Variants in KIFAP3 observed in about 807,000 individuals in gnomAD.
KIFAP3 encodes the protein kinesin associated protein 3, also known as kinesin-associated protein 3.
In KIFAP3, 68 loss-of-function variants were observed where a neutral mutation model predicts 106.5. The ratio of observed to expected loss-of-function variants is 0.64; its 90% CI spans 0.53 to 0.78. The LOEUF is 0.78. KIFAP3 is among the 30% of genes least tolerant of loss of function. KIFAP3 has a pLI of 0.00. For synonymous variants in KIFAP3, 320 were observed against 311.5 expected (o/e 1.03, Z -0.29); for missense variants, 780 against 941.8 (o/e 0.83, Z 2.25).
In KIFAP3 at chr1:169,981,963, G is replaced by T; in HGVS notation, c.1798+9C>A. 1 of 1,604,648 alleles carries T rather than the reference G, an allele frequency of 6.2e-7. No individual in the cohort carries two copies. The highest frequency in any genetic ancestry group is 8.5e-7 in the Non-Finnish European group (1 of 1,174,110). On this transcript the variant is annotated intron_variant, in intron 15 of 19. Transcript: ENST00000361580. ...GACATTAACATAAAAATAAATTAAG[G>T]TTATTTACCATTTAGCAATTCAATG...
intron 16 of KIFAP3, among the ~76,000 whole-genome samples, chr1:169,976,382 G>C (rs147472458): frequency 6.6e-6 from 1 of 151,860 alleles, no homozygotes; most frequent in Non-Finnish European, 1.5e-5. Flanking sequence ...AAGAAAACTT[G>C]TTAACTTTAA....
intron 3 of KIFAP3, among the ~76,000 whole-genome samples, chr1:170,046,234 A>G (rs889896997): frequency 4.7e-5 from 7 of 148,262 alleles, no homozygotes; most frequent in Non-Finnish European, 9.0e-5. Flanking sequence ...AAAAAAGGAA[A>G]CAGAGAAAAT....
intron 19 of KIFAP3, among the ~76,000 whole-genome samples, chr1:169,944,878 A>C (rs1664346492): frequency 6.6e-6 from 1 of 152,168 alleles, no homozygotes; most frequent in Non-Finnish European, 1.5e-5. Flanking sequence ...GGCCATGGAC[A>C]GGGCCAGAAA....
Position 170,026,702 on chromosome 1 carries a change from C to T in KIFAP3, c.842-2106G>A, listed in dbSNP as rs139296416. 6.6e-5 allele frequency among the ~76,000 whole-genome samples: 10 copies of T among 152,174 alleles called. No individual in the cohort carries two copies. In the East Asian group the frequency reaches 1.5e-3, roughly 24 times the overall value. On this transcript the variant is annotated intron_variant, in intron 8 of 19. Coordinates refer to ENST00000361580, the MANE Select transcript of KIFAP3 (RefSeq NM_014970.4). Reference sequence around the variant, plus strand: ...TTGGAGCATAGGAATTTAAGTGAGGCTGGGACAGAAAAAAATGAGAGGAGT... The same window carrying T: ...TTGGAGCATAGGAATTTAAGTGAGGTTGGGACAGAAAAAAATGAGAGGAGT...
chr1:169,979,256 T>C (rs1571597262), intron 15 of KIFAP3, among the ~76,000 whole-genome samples: 1 of 152,168 alleles, frequency 6.6e-6, no homozygotes, highest in East Asian at 1.9e-4. Flanking sequence ...ATCAACTACG[T>C]GTCTTTACTT....
Position 169,971,402 on chromosome 1 carries a change from G to A in KIFAP3, c.1983+1111C>T, listed in dbSNP as rs775635858. Reference sequence around the variant, plus strand: ...TAAATATTCTGTATTCATAAGCCCTGTGATCAGTGACCTATGTGTGAAATG... The same window carrying A: ...TAAATATTCTGTATTCATAAGCCCTATGATCAGTGACCTATGTGTGAAATG... On this transcript the variant is annotated intron_variant, in intron 17 of 19. Transcript: ENST00000361580. Among the ~76,000 whole-genome samples the A allele has an allele frequency of 8.8e-4, 134 of 152,136 alleles. 1 individual carries two copies. The highest frequency in any genetic ancestry group is 3.2e-4 in the Non-Finnish European group (22 of 67,956).
chr1:169,946,166 C>G (rs566208958), intron 19 of KIFAP3, among the ~76,000 whole-genome samples: 1 of 152,140 alleles, frequency 6.6e-6, no homozygotes, highest in Admixed American at 6.5e-5. Flanking sequence ...TTTTAAGAGG[C>G]ATTTACCCTT....
At chr1:169,924,859 C>A (rs570420819) in intron 19 of KIFAP3, among the ~76,000 whole-genome samples, 3 of 152,092 alleles carry the variant, frequency 2.0e-5, no homozygotes, top group Non-Finnish European at 2.9e-5. Context: ...AAAAAGGCAA[C>A]GTTGCAGGAA....
chr1:170,006,371 G>A (rs991315086), intron 10 of KIFAP3, among the ~76,000 whole-genome samples: 3 of 152,124 alleles, frequency 2.0e-5, no homozygotes, highest in Non-Finnish European at 4.4e-5. Context: ...GCTAATGGTG[G>A]TTCAATATTA....
intron 5 of KIFAP3, among the ~76,000 whole-genome samples, chr1:170,037,003 A>G (rs974104403): frequency 6.6e-6 from 1 of 152,234 alleles, no homozygotes; most frequent in African/African-American, 2.4e-5. Flanking sequence ...GTGCAAGACC[A>G]GTAAAGCCAA....
intron 3 of KIFAP3, among the ~76,000 whole-genome samples, chr1:170,040,152 A>G (rs1669897726): frequency 1.3e-5 from 2 of 152,102 alleles, no homozygotes; most frequent in African/African-American, 4.8e-5. Context: ...CAAACAGATA[A>G]TTTACTAAGA....
At position 170,034,252 on chromosome 1, in the gene KIFAP3, T is replaced by C. The variant is rs538653533; in HGVS notation, c.742+120A>G. 22 of 876,290 alleles carry C rather than the reference T, an allele frequency of 2.5e-5. No homozygotes were observed. In the South Asian group the frequency reaches 3.4e-4, roughly 14 times the overall value. The allele number at this position is 876,290 out of a possible 1,614,324, so 54.3% of individuals were successfully genotyped here. A position where few individuals can be genotyped will look rare whatever the true frequency, so the allele number is the denominator to read the frequency against. ...TAACCTTCAATAACACACTCCTGCATTGTTTCCAAGTAATGTAATTAACAA... is the reference window on the plus strand; with the variant it reads ...TAACCTTCAATAACACACTCCTGCACTGTTTCCAAGTAATGTAATTAACAA... On this transcript the variant is annotated intron_variant, in intron 7 of 19. Transcript: ENST00000361580.
At chr1:170,081,328 C>A (rs945658301) in intron 1 of KIFAP3, among the ~76,000 whole-genome samples, 1 of 152,142 alleles carries the variant, frequency 6.6e-6, no homozygotes, top group Non-Finnish European at 1.5e-5. Context: ...GGAAATTTAA[C>A]CACAGTGAAA....
chr1:169,946,900 A>G (rs754259955), intron 19 of KIFAP3, among the ~76,000 whole-genome samples: 5 of 151,954 alleles, frequency 3.3e-5, no homozygotes, highest in Non-Finnish European at 5.9e-5. Flanking sequence ...ATGTAAGATC[A>G]AGACTCTTAT....
intron 11 of KIFAP3, among the ~76,000 whole-genome samples, chr1:169,986,969 T>C (rs1387602407): frequency 1.3e-5 from 2 of 152,026 alleles, no homozygotes; most frequent in African/African-American, 4.8e-5. Context: ...CTCGAAAACT[T>C]ACTCAACTCC....
intron 2 of KIFAP3, among the ~76,000 whole-genome samples, 193 bp downstream of exon 2, chr1:170,055,112 C>T (rs1670775177): frequency 6.6e-6 from 1 of 152,082 alleles, no homozygotes; most frequent in African/African-American, 2.4e-5. Flanking sequence ...ATTAAGCTTA[C>T]AAAAATCTCA....
chr1:169,985,818 G>A (rs1465595930), intron 11 of KIFAP3, among the ~76,000 whole-genome samples: 3 of 151,766 alleles, frequency 2.0e-5, no homozygotes, highest in African/African-American at 7.2e-5. Context: ...CAGACAAAAA[G>A]GTAAGAAGGA....
At chr1:170,047,491 C>T (rs898012223) in intron 2 of KIFAP3, among the ~76,000 whole-genome samples, 21 of 151,360 alleles carry the variant, frequency 1.4e-4, no homozygotes, top group Admixed American at 1.1e-3. Context: ...TGTGGTGGTG[C>T]GCGCCTGTAA....
chr1:169,972,546 T>C lies in KIFAP3; in HGVS notation c.1950A>G (p.Arg650=). 6.4e-7 allele frequency: 1 copy of C among 1,563,422 alleles called. No individual in the cohort carries two copies. Among genetic ancestry groups the C allele is most frequent in the Non-Finnish European group, 8.8e-7 (1 of 1,137,818 alleles). ...TATCTAATGTATTATCACAGACCTT[T>C]CGGATTTCATTATTCTTATCATGCA... ...DLMHDKNNEI[R]KVCDNTLDII... The change falls in exon 17 of 20, where the codon CGA becomes CGG. Residue 650 remains arginine (R), a synonymous_variant. Transcript: ENST00000361580.
Sources: allele counts gnomAD v4.1 joint callset (sites outside exome capture counted in the v4.1 genomes callset), GRCh38; gene constraint gnomAD v4.1.1; transcripts MANE v1.5; gene names NCBI Gene and HGNC (gene_info 2026-07-23, HGNC 2026-07-21).